Variants in CLYBL observed in about 807,000 individuals in gnomAD.
CLYBL encodes the protein citramalyl-CoA lyase, also known as citramalyl-CoA lyase, mitochondrial.
CLYBL carries 31 observed loss-of-function variants against 38.9 expected under a neutral mutation model. The observed-to-expected ratio is 0.80, with a 90% CI of 0.60 to 1.08. The LOEUF (loss-of-function observed/expected upper bound fraction) is 1.08. Ranked by LOEUF, CLYBL falls within the 50% of genes least tolerant of loss-of-function variation. The probability of loss-of-function intolerance (pLI) is 0.00; values close to 1 mark genes in which losing one functional copy is unlikely to be tolerated. For synonymous variants in CLYBL, 171 were observed against 158.6 expected (o/e 1.08, Z -0.59); for missense variants, 434 against 411.6 (o/e 1.05, Z -0.47).
intron 1 of CLYBL, among the ~76,000 whole-genome samples, chr13:99,679,314 GAA>G (rs894916843): frequency 5.0e-5 from 7 of 139,674 alleles, no homozygotes; most frequent in African/African-American, 1.3e-4. Flanking sequence ...AAAAAGAAAA[GAA>G]AAAGAAAAAT....
chr13:99,906,269 A>G (rs1006795431), intron 9 of CLYBL, among the ~76,000 whole-genome samples: 6 of 152,182 alleles, frequency 3.9e-5, no homozygotes, highest in African/African-American at 1.4e-4. Context: ...GAGTTTCCCT[A>G]TTTTCTAAAA....
chr13:99,807,943 G>A (rs1371825965), intron 2 of CLYBL, among the ~76,000 whole-genome samples: 2 of 152,106 alleles, frequency 1.3e-5, no homozygotes, highest in African/African-American at 2.4e-5. Flanking sequence ...TCCTCAAAGC[G>A]GAGGAAAGAA....
At chr13:99,832,285 G>A (rs2050819649) in intron 2 of CLYBL, among the ~76,000 whole-genome samples, 1 of 152,172 alleles carries the variant, frequency 6.6e-6, no homozygotes, top group African/African-American at 2.4e-5. Context: ...GCATTTCCAT[G>A]GTGCGAGACC....
At chr13:99,774,158 G>A (rs1325364056) in intron 2 of CLYBL, among the ~76,000 whole-genome samples, 2 of 152,066 alleles carry the variant, frequency 1.3e-5, no homozygotes, top group Admixed American at 6.6e-5. Context: ...ACGTGAGCCC[G>A]AGAGTTTGAG....
At chr13:99,783,831 T>C (rs2049718050) in intron 2 of CLYBL, 1 of 152,050 alleles carries the variant, frequency 6.6e-6, no homozygotes, top group Non-Finnish European at 1.5e-5. Context: ...TCATGGATTA[T>C]TATGTCATGA....
At chr13:99,655,745 T>A (rs1338806188) in intron 1 of CLYBL, among the ~76,000 whole-genome samples, 1 of 152,138 alleles carries the variant, frequency 6.6e-6, no homozygotes, top group African/African-American at 2.4e-5. Flanking sequence ...TGCCCGTGAG[T>A]CAGATGGCAG....
chr13:99,606,828 C>T (rs2046532046), intron 1 of CLYBL, 71 bp downstream of exon 1: 2 of 1,301,710 alleles, frequency 1.5e-6, no homozygotes, highest in Non-Finnish European at 1.9e-6. Flanking sequence ...TGCAGCCCCG[C>T]GGGCCGGGCG....
At chr13:99,680,953 A>T (rs529945915) in intron 1 of CLYBL, among the ~76,000 whole-genome samples, 7 of 152,298 alleles carry the variant, frequency 4.6e-5, no homozygotes, top group Non-Finnish European at 7.4e-5. Flanking sequence ...TTCCTATTCC[A>T]TGAAAGGAAG....
chr13:99,619,448 TAGC>T (rs1321202740), intron 1 of CLYBL, among the ~76,000 whole-genome samples: 3 of 152,242 alleles, frequency 2.0e-5, no homozygotes, highest in Non-Finnish European at 2.9e-5. Context: ...CTTTTTAAAA[TAGC>T]AGCATAAACA....
rs553439944 is a variant in CLYBL at position 99,615,990 on chromosome 13, C to T, written c.62+9233C>T. Among the ~76,000 whole-genome samples the T allele has an allele frequency of 3.9e-5, 6 of 152,078 alleles. No individual in the cohort carries two copies. The South Asian group carries it at 6.2e-4, about 16-fold the overall frequency. On this transcript the variant is annotated intron_variant, in intron 1 of 8. Coordinates refer to ENST00000339105, the MANE Select transcript of CLYBL (RefSeq NM_206808.5). ...CTGGAATTACAGGTGCACACCACCA[C>T]GCACAGCTAATTTTTTTATTTTTAT...
intron 1 of CLYBL, among the ~76,000 whole-genome samples, chr13:99,741,922 G>A (rs2048764768): frequency 6.6e-6 from 1 of 152,182 alleles, no homozygotes; most frequent in Admixed American, 6.5e-5. Context: ...TGCATCAGTA[G>A]TTCGTATGAG....
At chr13:99,615,061 GA>G in intron 1 of CLYBL, among the ~76,000 whole-genome samples, 1 of 152,330 alleles carries the variant, frequency 6.6e-6, no homozygotes, top group East Asian at 1.9e-4. Flanking sequence ...GTGTTCTCAG[GA>G]GGCACACCTG....
intron 1 of CLYBL, among the ~76,000 whole-genome samples, chr13:99,712,281 C>T (rs1281466069): frequency 4.6e-5 from 7 of 150,854 alleles, no homozygotes; most frequent in Admixed American, 4.6e-4. Flanking sequence ...CGGTACACTA[C>T]AATTTTCCTT....
chr13:99,754,061 T>C (rs956656090), intron 1 of CLYBL, among the ~76,000 whole-genome samples: 6 of 111,896 alleles, frequency 5.4e-5, no homozygotes, highest in Non-Finnish European at 1.0e-4. Context: ...CACTCCAGCC[T>C]GGGCGACAAG....
intron 1 of CLYBL, among the ~76,000 whole-genome samples, chr13:99,719,832 AC>A (rs2048369739): frequency 6.6e-6 from 1 of 151,750 alleles, no homozygotes; most frequent in South Asian, 2.1e-4. Flanking sequence ...TATTTTAATC[AC>A]CTTTTTATTT....
intron 7 of CLYBL, among the ~76,000 whole-genome samples, chr13:99,876,069 C>CTTTTT (rs10625169): frequency 1.0e-4 from 11 of 106,642 alleles, no homozygotes; most frequent in African/African-American, 2.2e-4. Context: ...TTCTATTTCA[C>CTTTTT]TTTTTTTTTT....
At chr13:99,864,947 GTGTGTGTGTATA>G (rs773621769) in intron 5 of CLYBL, 36 bp downstream of exon 5, 16 of 1,401,852 alleles carry the variant, frequency 1.1e-5, no homozygotes, top group South Asian at 4.6e-5. Context: ...TTTTCTGTGT[GTGTGTGTGTATA>G]TGTGTGTATA....
chr13:99,695,759 T>A (rs530397458), intron 1 of CLYBL, among the ~76,000 whole-genome samples: 19 of 152,118 alleles, frequency 1.2e-4, no homozygotes, highest in African/African-American at 4.1e-4. Flanking sequence ...CCTTAGATGA[T>A]CCCCTGCCTT....
intron 1 of CLYBL, among the ~76,000 whole-genome samples, chr13:99,655,678 C>A (rs906124812): frequency 2.0e-5 from 3 of 152,198 alleles, no homozygotes; most frequent in African/African-American, 7.2e-5. Context: ...GCCTGGGAAG[C>A]TGTGTGGGCC....
Sources: allele counts gnomAD v4.1 joint callset (sites outside exome capture counted in the v4.1 genomes callset), GRCh38; gene constraint gnomAD v4.1.1; transcripts MANE v1.5; gene names NCBI Gene and HGNC (gene_info 2026-07-23, HGNC 2026-07-21).